The following ATP10B variants were observed in gnomAD, a reference collection of about 807,000 sequenced individuals.
The protein encoded by ATP10B is ATPase phospholipid transporting 10B (putative).
Under a neutral mutation model 141.2 loss-of-function variants are expected in ATP10B, and 122 were observed. The ratio of observed to expected loss-of-function variants is 0.86; its 90% CI spans 0.75 to 1.00. The LOEUF is 1.00. Ranked by LOEUF, ATP10B falls within the 50% of genes least tolerant of loss-of-function variation. ATP10B has a pLI of 0.00. For synonymous variants in ATP10B, 685 were observed against 692.0 expected (o/e 0.99, Z 0.16); for missense variants, 1,876 against 1,825.3 (o/e 1.03, Z -0.51).
chr5:160,724,619 T>G (rs1766211063), intron 2 of ATP10B, among the ~76,000 whole-genome samples: 1 of 152,164 alleles, frequency 6.6e-6, no homozygotes, highest in African/African-American at 2.4e-5. Flanking sequence ...TCTCTGATCC[T>G]CTTTCTAAGT....
intron 1 of ATP10B, among the ~76,000 whole-genome samples, chr5:160,839,716 T>C (rs759652727): frequency 1.6e-4 from 24 of 152,082 alleles, no homozygotes; most frequent in Admixed American, 5.9e-4. Context: ...TTCAACTCTA[T>C]GTTGTATATA....
chr5:160,883,597 G>A, the ATP10B span, among the ~76,000 whole-genome samples: 1 of 152,046 alleles, frequency 6.6e-6, no homozygotes, highest in Non-Finnish European at 1.5e-5. Flanking sequence ...GGTGGTAAAG[G>A]GGAAAAGAGA....
intron 3 of ATP10B, among the ~76,000 whole-genome samples, chr5:160,707,240 C>T (rs903274648): frequency 1.3e-5 from 2 of 152,186 alleles, no homozygotes; most frequent in African/African-American, 2.4e-5. Context: ...CATGAGCCAC[C>T]GTGCCCAGCC....
At chr5:160,868,211 CAA>C in the ATP10B span, among the ~76,000 whole-genome samples, 1 of 152,226 alleles carries the variant, frequency 6.6e-6, no homozygotes, top group African/African-American at 2.4e-5. Flanking sequence ...TAATTTTGCA[CAA>C]AAGAGTCAAT....
intron 1 of ATP10B, among the ~76,000 whole-genome samples, chr5:160,842,934 CAATTT>C (rs1775899038): frequency 6.6e-6 from 1 of 151,958 alleles, no homozygotes; most frequent in Non-Finnish European, 1.5e-5. Context: ...AAACACTTCC[CAATTT>C]ATTTTATGAG....
At chr5:160,660,796 G>A (rs1761858745) in intron 7 of ATP10B, among the ~76,000 whole-genome samples, 1 of 152,158 alleles carries the variant, frequency 6.6e-6, no homozygotes, top group Non-Finnish European at 1.5e-5. Context: ...ACCCCAGTCC[G>A]ACTTAGGCAC....
chr5:160,870,248 C>T, the ATP10B span, among the ~76,000 whole-genome samples: 1 of 152,116 alleles, frequency 6.6e-6, no homozygotes, highest in Admixed American at 6.6e-5. Flanking sequence ...CAGACTGAAT[C>T]ACAGGACTAT....
At chr5:160,631,033 A>G (rs1758896846) in intron 13 of ATP10B, among the ~76,000 whole-genome samples, 1 of 152,256 alleles carries the variant, frequency 6.6e-6, no homozygotes. Context: ...GATTACAAAA[A>G]ATGTTAAATA....
chr5:160,831,846 T>A (rs11135126), intron 1 of ATP10B, among the ~76,000 whole-genome samples: 16,922 of 152,154 alleles, frequency 0.11, 993 homozygotes, highest in East Asian at 0.12. Context: ...GATCAAGATG[T>A]GTGGAAAACA....
chr5:160,898,159 TTAAAC>T, the ATP10B span, among the ~76,000 whole-genome samples: 7 of 152,138 alleles, frequency 4.6e-5, no homozygotes, highest in Admixed American at 2.0e-4. Context: ...TGGGATCTAA[TTAAAC>T]TAAAGAGCTT....
At chr5:160,876,397 G>T in the ATP10B span, among the ~76,000 whole-genome samples, 1 of 149,682 alleles carries the variant, frequency 6.7e-6, no homozygotes, top group Non-Finnish European at 1.5e-5. Flanking sequence ...TGTGTAGAGG[G>T]AAATTTATAG....
the ATP10B span, among the ~76,000 whole-genome samples, chr5:160,893,473 A>G: frequency 6.6e-6 from 1 of 152,286 alleles, no homozygotes; most frequent in Non-Finnish European, 1.5e-5. Flanking sequence ...ATGCATAGCC[A>G]CTGTAGCCAG....
At chr5:160,641,478 AGT>A (rs1317752819) in intron 9 of ATP10B, among the ~76,000 whole-genome samples, 1 of 152,240 alleles carries the variant, frequency 6.6e-6, no homozygotes, top group Non-Finnish European at 1.5e-5. Flanking sequence ...AATCTCACCC[AGT>A]CACCTTCTTC....
At position 160,823,704 on chromosome 5, in the gene ATP10B, G is replaced by A. The variant is rs942898301; in HGVS notation, c.-576+28237C>T. Reference sequence around the variant, plus strand: ...AAAAAATTAGCCAGGCGTGGTGGCAGCCGCCTGTAGTCCCAGCTACTTGGG... The same window carrying A: ...AAAAAATTAGCCAGGCGTGGTGGCAACCGCCTGTAGTCCCAGCTACTTGGG... On this transcript the variant is annotated intron_variant, in intron 1 of 25. Transcript: ENST00000327245. Among the ~76,000 whole-genome samples, 8 of 152,152 alleles carry A rather than the reference G, an allele frequency of 5.3e-5. No individual in the cohort carries two copies. In the East Asian group the frequency reaches 1.6e-3, roughly 30 times the overall value.
At chr5:160,694,538 G>A (rs905410610) in intron 3 of ATP10B, among the ~76,000 whole-genome samples, 1 of 152,086 alleles carries the variant, frequency 6.6e-6, no homozygotes, top group Non-Finnish European at 1.5e-5. Flanking sequence ...TAACAAGCTG[G>A]GCTAACTTCA....
Position 160,636,287 on chromosome 5 carries a change from G to A in ATP10B, c.1023C>T (p.Thr341=). The A allele has an allele frequency of 6.2e-7, 1 of 1,613,288 alleles. No homozygotes were observed. Among genetic ancestry groups the A allele is most frequent in the Non-Finnish European group, 8.5e-7 (1 of 1,179,604 alleles). ...GAVGHSIWNG[T]FEEHPPFDVP... ...CATCGAAGGGAGGGTGTTCTTCAAA[G>A]GTCCCATTCCAGATGCTGTGACCTG... The change falls in exon 11 of 26, where the codon ACC becomes ACT. Residue 341 remains threonine, a synonymous_variant. Coordinates refer to ENST00000327245, the MANE Select transcript of ATP10B (RefSeq NM_025153.3).
At chr5:160,911,466 A>G in the ATP10B span, among the ~76,000 whole-genome samples, 1 of 152,224 alleles carries the variant, frequency 6.6e-6, no homozygotes, top group Admixed American at 6.5e-5. Context: ...AAATGTGGCC[A>G]GGGTGCTTGA....
chr5:160,857,951 G>C, the ATP10B span, among the ~76,000 whole-genome samples: 1 of 151,728 alleles, frequency 6.6e-6, no homozygotes, highest in Non-Finnish European at 1.5e-5. Flanking sequence ...TTGTTTGATG[G>C]CACTTAAAGA....
the ATP10B span, among the ~76,000 whole-genome samples, chr5:160,877,581 G>T: frequency 2.7e-5 from 4 of 150,642 alleles, no homozygotes; most frequent in East Asian, 5.9e-4. Flanking sequence ...ATTAGGAAAA[G>T]AGGAAATCAA....
Sources: allele counts gnomAD v4.1 joint callset (sites outside exome capture counted in the v4.1 genomes callset), GRCh38; gene constraint gnomAD v4.1.1; transcripts MANE v1.5; gene names NCBI Gene and HGNC (gene_info 2026-07-23, HGNC 2026-07-21).